Variants in FRMD4A observed in about 807,000 individuals in gnomAD.
FRMD4A encodes the protein FERM domain containing 4A, also known as FERM domain-containing protein 4A.
In FRMD4A, 29 loss-of-function variants were observed where a neutral mutation model predicts 129.1. That is an observed-to-expected ratio of 0.22 (90% CI 0.17 to 0.31). The LOEUF is 0.31. Among genes scored for constraint, FRMD4A ranks in the 10% least tolerant of loss-of-function variants. The probability of loss-of-function intolerance (pLI) is 1.00; values close to 1 mark genes in which losing one functional copy is unlikely to be tolerated. For synonymous variants in FRMD4A, 634 were observed against 571.6 expected (o/e 1.11, Z -1.56); for missense variants, 1,272 against 1,375.8 (o/e 0.92, Z 1.19).
chr10:13,919,989 G>A (rs566935341), intron 2 of FRMD4A, among the ~76,000 whole-genome samples: 9 of 152,172 alleles, frequency 5.9e-5, no homozygotes, highest in African/African-American at 2.2e-4. Flanking sequence ...AATTGCATGT[G>A]CGCCTGACCT....
In FRMD4A at chr10:13,787,553, T is replaced by G. The variant is rs549284613; in HGVS notation, c.300-4547A>C. Among the ~76,000 whole-genome samples the G allele has an allele frequency of 2.0e-5, 3 of 152,244 alleles. No individual in the cohort carries two copies. In the East Asian group the frequency reaches 5.8e-4, roughly 29 times the overall value. On this transcript the variant is annotated intron_variant, in intron 5 of 24. Transcript: ENST00000357447. ...ACAGTTCACTGCAGCCTCGACCTCC[T>G]GGGATCAAGTGACCTGTCTGTCTAA...
Position 13,817,164 on chromosome 10 carries a change from A to G in FRMD4A, c.112-6256T>C, listed in dbSNP as rs1031459253. On this transcript the variant is annotated intron_variant, in intron 3 of 24. Transcript: ENST00000357447. ...TAATAGGACAGTCTTTCCAACACCAACTGGGCTTAGAAACCTGGGCTTCAG... is the reference window on the plus strand; with the variant it reads ...TAATAGGACAGTCTTTCCAACACCAGCTGGGCTTAGAAACCTGGGCTTCAG... 1.5e-4 allele frequency among the ~76,000 whole-genome samples: 23 copies of G among 152,158 alleles called. 1 individual carries two copies. The highest frequency in any genetic ancestry group is 7.4e-5 in the Non-Finnish European group (5 of 68,022).
chr10:13,918,586 T>C (rs1158355283), intron 2 of FRMD4A, among the ~76,000 whole-genome samples: 1 of 152,188 alleles, frequency 6.6e-6, no homozygotes, highest in Admixed American at 6.5e-5. Flanking sequence ...TGGAGTGCAG[T>C]GGTGTGATCT....
chr10:13,983,466 G>T (rs1287183985), intron 2 of FRMD4A, among the ~76,000 whole-genome samples: 1 of 151,884 alleles, frequency 6.6e-6, no homozygotes, highest in Non-Finnish European at 1.5e-5. Flanking sequence ...GCTTAGACTT[G>T]ATTGTTCGAG....
At chr10:14,188,945 T>C (rs1487544366) in intron 2 of FRMD4A, among the ~76,000 whole-genome samples, 1 of 152,188 alleles carries the variant, frequency 6.6e-6, no homozygotes, top group African/African-American at 2.4e-5. Context: ...AAACAACTCC[T>C]TTCTGGGAAG....
At chr10:13,911,654 C>A (rs181447910) in intron 2 of FRMD4A, among the ~76,000 whole-genome samples, 4 of 152,124 alleles carry the variant, frequency 2.6e-5, no homozygotes, top group Non-Finnish European at 5.9e-5. Context: ...CTCCGCCTCC[C>A]GGGTTCAAGC....
intron 3 of FRMD4A, among the ~76,000 whole-genome samples, chr10:13,818,072 C>T (rs11258641): frequency 0.36 from 55,055 of 152,062 alleles, 10,073 homozygotes; most frequent in Middle Eastern, 0.43. Flanking sequence ...AGACAAATTA[C>T]GCAAGCTCTC....
intron 2 of FRMD4A, among the ~76,000 whole-genome samples, chr10:14,329,062 C>T (rs1843402632): frequency 1.3e-5 from 2 of 152,318 alleles, no homozygotes; most frequent in South Asian, 4.2e-4. Context: ...GCTTGCCACC[C>T]AGGGGGCAGG....
chr10:14,022,595 G>A (rs975948886), intron 2 of FRMD4A, among the ~76,000 whole-genome samples: 1 of 152,180 alleles, frequency 6.6e-6, no homozygotes, highest in Non-Finnish European at 1.5e-5. Context: ...CAAATGCTAT[G>A]TAAATAAGGG....
At chr10:13,658,065 G>A (rs1364891234) in intron 21 of FRMD4A, among the ~76,000 whole-genome samples, 1 of 145,576 alleles carries the variant, frequency 6.9e-6, no homozygotes, top group Non-Finnish European at 1.5e-5. Flanking sequence ...ATCACTTGAG[G>A]ATGCAGTAAG....
At chr10:13,724,538 G>C (rs1301251341) in intron 12 of FRMD4A, among the ~76,000 whole-genome samples, 1 of 152,174 alleles carries the variant, frequency 6.6e-6, no homozygotes, top group Non-Finnish European at 1.5e-5. Context: ...GAGGCTATTG[G>C]ATGCTCCTCT....
chr10:13,805,426 C>CTT (rs5783352), intron 4 of FRMD4A, among the ~76,000 whole-genome samples: 28 of 149,526 alleles, frequency 1.9e-4, no homozygotes, highest in South Asian at 4.2e-4. Flanking sequence ...TTTTAAAAGG[C>CTT]TTTTTTTTTC....
chr10:13,998,217 G>T (rs2095629795), intron 2 of FRMD4A, among the ~76,000 whole-genome samples: 1 of 152,126 alleles, frequency 6.6e-6, no homozygotes, highest in African/African-American at 2.4e-5. Flanking sequence ...CCAATCTCCA[G>T]TGGTATACTG....
intron 2 of FRMD4A, among the ~76,000 whole-genome samples, chr10:14,128,470 T>G (rs939963950): frequency 1.3e-5 from 2 of 152,084 alleles, no homozygotes; most frequent in Non-Finnish European, 2.9e-5. Flanking sequence ...AAATGTGAAG[T>G]TATTGAGGGC....
rs143927441 is a variant in FRMD4A, at chr10:13,788,817, C to T, written c.300-5811G>A. On this transcript the variant is annotated intron_variant, in intron 5 of 24. Transcript: ENST00000357447. ...AAATATTAAACAGCCTCTAAAGCCT[C>T]GGGGAGTCCCGTCCCCTTCTTTGAC... Among the ~76,000 whole-genome samples the T allele has an allele frequency of 1.6e-4, 16 of 97,122 alleles. No homozygotes were observed. In the East Asian group the frequency reaches 4.1e-3, roughly 25 times the overall value. 63.7% of individuals were successfully genotyped at this position (97,122 alleles called of 152,430 possible). A position where few individuals can be genotyped will look rare whatever the true frequency, so the allele number is the denominator to read the frequency against.
At chr10:14,128,042 T>C (rs1839002985) in intron 2 of FRMD4A, among the ~76,000 whole-genome samples, 4 of 111,612 alleles carry the variant, frequency 3.6e-5, no homozygotes, top group African/African-American at 1.4e-4. Flanking sequence ...CTTCCTTTCT[T>C]TCCCTCTTTC....
chr10:13,722,778 A>C (rs11258558), intron 12 of FRMD4A, among the ~76,000 whole-genome samples: 151,752 of 152,344 alleles, frequency 1, 75,582 homozygotes, highest in Middle Eastern at 1. Context: ...TTAGCTGGGT[A>C]TCCACGCTGG....
intron 3 of FRMD4A, among the ~76,000 whole-genome samples, chr10:13,848,609 CGTGTGTGTGT>C (rs59271113): frequency 9.7e-5 from 12 of 124,070 alleles, no homozygotes; most frequent in Admixed American, 3.9e-4. Context: ...TGTGTGTGTA[CGTGTGTGTGT>C]GTGTGTGTGT....
chr10:14,203,577 G>T (rs745617852), intron 2 of FRMD4A, among the ~76,000 whole-genome samples: 1 of 152,136 alleles, frequency 6.6e-6, no homozygotes, highest in Non-Finnish European at 1.5e-5. Flanking sequence ...ACATTAACTC[G>T]GCTAAATTTG....
Sources: allele counts gnomAD v4.1 joint callset (sites outside exome capture counted in the v4.1 genomes callset), GRCh38; gene constraint gnomAD v4.1.1; transcripts MANE v1.5; gene names NCBI Gene and HGNC (gene_info 2026-07-23, HGNC 2026-07-21).